The following DYM variants were observed in gnomAD, a reference collection of about 807,000 sequenced individuals.
The protein encoded by DYM is dymeclin.
Under a neutral mutation model 93.1 loss-of-function variants are expected in DYM, and 78 were observed. The ratio of observed to expected loss-of-function variants is 0.84; its 90% confidence interval spans 0.70 to 1.01. The LOEUF (loss-of-function observed/expected upper bound fraction) is 1.01, where lower values mean the gene tolerates loss of function less well. DYM is among the 50% of genes least tolerant of loss of function. DYM has a pLI of 0.00. For synonymous variants in DYM, 321 were observed against 319.7 expected (o/e 1.00, Z -0.04); for missense variants, 789 against 845.0 (o/e 0.93, Z 0.82).
At chr18:49,057,528 G>A (rs2075606328) in intron 17 of DYM, among the ~76,000 whole-genome samples, 1 of 152,200 alleles carries the variant, frequency 6.6e-6, no homozygotes, top group South Asian at 2.1e-4. Flanking sequence ...GGGGGGTTTG[G>A]TAGTGGCCCA....
chr18:49,443,063 G>T (rs1363242056), intron 1 of DYM, among the ~76,000 whole-genome samples: 1 of 151,998 alleles, frequency 6.6e-6, no homozygotes, highest in Non-Finnish European at 1.5e-5. Context: ...GGCCAGGCTG[G>T]TCTCAAACTC....
chr18:49,378,775 T>C, intron 4 of DYM, 75 bp from the exon 5 acceptor site: 2 of 1,526,030 alleles, frequency 1.3e-6, no homozygotes, highest in Non-Finnish European at 9.0e-7. Flanking sequence ...TCATGATTTC[T>C]TCCTGATTTG....
At chr18:49,113,778 C>T (rs1396585837) in intron 16 of DYM, among the ~76,000 whole-genome samples, 2 of 152,146 alleles carry the variant, frequency 1.3e-5, no homozygotes, top group Non-Finnish European at 2.9e-5. Context: ...TTATTTATAT[C>T]TTTATCACAG....
chr18:49,260,413 T>G (rs2094471456), intron 11 of DYM, among the ~76,000 whole-genome samples: 1 of 152,130 alleles, frequency 6.6e-6, no homozygotes, highest in East Asian at 1.9e-4. Flanking sequence ...AGGACCAAAC[T>G]GAGAAGTTCT....
chr18:49,333,942 A>G (rs1489042382), intron 6 of DYM, 89 bp from the exon 7 acceptor site: 1 of 1,356,542 alleles, frequency 7.4e-7, no homozygotes, highest in African/African-American at 1.4e-5. Context: ...AAAAACTCAA[A>G]TCTAAATATT....
intron 11 of DYM, among the ~76,000 whole-genome samples, chr18:49,259,715 C>CGTAA (rs1350782347): frequency 6.6e-6 from 1 of 152,112 alleles, no homozygotes; most frequent in African/African-American, 2.4e-5. Flanking sequence ...AAAATGTTTA[C>CGTAA]ACATGAAATT....
At chr18:49,091,728 A>G (rs991468997) in intron 17 of DYM, among the ~76,000 whole-genome samples, 1 of 151,772 alleles carries the variant, frequency 6.6e-6, no homozygotes, top group Non-Finnish European at 1.5e-5. Context: ...CAGTGATTTA[A>G]TATTTATTTA....
intron 10 of DYM, 84 bp from the exon 11 acceptor site, chr18:49,272,387 C>T (rs2145543487): frequency 2.1e-6 from 2 of 968,502 alleles, no homozygotes; most frequent in East Asian, 5.3e-5. Flanking sequence ...TCATTTTGTG[C>T]TCTTTGCTTT....
In DYM at chr18:49,141,734, T is replaced by A. The variant is rs571830006; in HGVS notation, c.1728+21951A>T. ...CCTGTTATTTTAGCTCCATTTTTAA[T>A]TGCTAAATGATGTTTATTTTCCCTC... On this transcript the variant is annotated intron_variant, in intron 15 of 17. Transcript: ENST00000675505. Among the ~76,000 whole-genome samples the A allele has an allele frequency of 2.6e-5, 4 of 152,328 alleles. No individual in the cohort carries two copies. In the East Asian group the frequency reaches 7.7e-4, roughly 29 times the overall value.
At chr18:49,206,903 A>C (rs1205260439) in intron 14 of DYM, among the ~76,000 whole-genome samples, 1 of 152,206 alleles carries the variant, frequency 6.6e-6, no homozygotes, top group Non-Finnish European at 1.5e-5. Context: ...TTGAAAGAGG[A>C]AACAGAAAAT....
intron 8 of DYM, among the ~76,000 whole-genome samples, chr18:49,314,080 T>C (rs2061774586): frequency 6.6e-6 from 1 of 152,186 alleles, no homozygotes; most frequent in Non-Finnish European, 1.5e-5. Flanking sequence ...CAACTAGGGA[T>C]AGGTAGTTTC....
intron 13 of DYM, among the ~76,000 whole-genome samples, chr18:49,219,764 A>G (rs1184448316): frequency 6.6e-6 from 1 of 152,064 alleles, no homozygotes; most frequent in Non-Finnish European, 1.5e-5. Context: ...TCTCAAAATA[A>G]TAAGAGCTAT....
intron 1 of DYM, among the ~76,000 whole-genome samples, chr18:49,430,677 G>A (rs2074727995): frequency 6.6e-6 from 1 of 152,102 alleles, no homozygotes; most frequent in African/African-American, 2.4e-5. Flanking sequence ...ATGAGGTCAA[G>A]AGATTGAGAC....
rs566126659 is a variant in DYM at position 49,101,541 on chromosome 18, G to A, written c.1912-4026C>T. Among the ~76,000 whole-genome samples, 39 of 152,256 alleles carry A rather than the reference G, an allele frequency of 2.6e-4. No homozygotes were observed. The South Asian group carries it at 6.6e-3, about 26-fold the overall frequency. ...ATTAATAGAAATGAGAAGCTTTTCT[G>A]GAGTAGAGGAGAATAAAAAGGAGCT... is the stretch of plus-strand genomic sequence containing the variant. On this transcript the variant is annotated intron_variant, in intron 16 of 17. Transcript: ENST00000675505.
chr18:49,368,361 C>A (rs1188419978), intron 5 of DYM, among the ~76,000 whole-genome samples: 1 of 152,088 alleles, frequency 6.6e-6, no homozygotes, highest in Non-Finnish European at 1.5e-5. Context: ...AAGAACAGTT[C>A]AGGAATTCCT....
At chr18:49,338,260 C>T (rs1399158135) in intron 6 of DYM, among the ~76,000 whole-genome samples, 2 of 152,146 alleles carry the variant, frequency 1.3e-5, no homozygotes, top group Non-Finnish European at 2.9e-5. Context: ...TTTGGTCCTT[C>T]ATAGGACATC....
At chr18:49,305,054 GT>G (rs773278555) in intron 8 of DYM, among the ~76,000 whole-genome samples, 1 of 152,072 alleles carries the variant, frequency 6.6e-6, no homozygotes, top group Non-Finnish European at 1.5e-5. Flanking sequence ...GACTCAAATA[GT>G]TTTTGACCCG....
At chr18:49,192,217 T>C (rs2091046166) in intron 14 of DYM, among the ~76,000 whole-genome samples, 1 of 148,870 alleles carries the variant, frequency 6.7e-6, no homozygotes, top group African/African-American at 2.5e-5. Context: ...CCACTGCACC[T>C]AGCCTCTAGC....
chr18:49,323,071 T>C (rs1352770012), intron 8 of DYM, among the ~76,000 whole-genome samples: 4 of 152,236 alleles, frequency 2.6e-5, no homozygotes, highest in African/African-American at 9.6e-5. Context: ...CAAAGGACAA[T>C]GTAAGTGGTG....
Sources: gnomAD v4.1 joint callset for allele counts (sites outside exome capture counted in the v4.1 genomes callset) on GRCh38, gnomAD v4.1.1 for gene constraint, MANE v1.5 for transcripts, NCBI Gene and HGNC (gene_info 2026-07-23, HGNC 2026-07-21) for gene names.